HHAT: variants seen among roughly 807,000 people sequenced by gnomAD.
HHAT encodes protein-cysteine N-palmitoyltransferase HHAT.
A neutral mutation model predicts 70.8 loss-of-function variants in HHAT; 47 were observed. That is an observed-to-expected ratio of 0.66 (90% CI 0.53 to 0.85). The LOEUF (loss-of-function observed/expected upper bound fraction) is 0.85, where lower values mean the gene tolerates loss of function less well. HHAT is among the 40% of genes least tolerant of loss of function. HHAT has a pLI of 0.00. For synonymous variants in HHAT, 228 were observed against 247.6 expected (o/e 0.92, Z 0.74); for missense variants, 609 against 604.8 (o/e 1.01, Z -0.07).
chr1:210,336,287 A>ATTTTTTTCTTTTTTTT (rs2085479591), intron 1 of HHAT, among the ~76,000 whole-genome samples: 1 of 84,626 alleles, frequency 1.2e-5, no homozygotes, highest in Non-Finnish European at 2.4e-5. Flanking sequence ...TGCCTGGCTA[A>ATTTTTTTCTTTTTTTT]TTTTTTTTTT....
At chr1:210,495,729 C>G (rs2094626810) in intron 8 of HHAT, among the ~76,000 whole-genome samples, 1 of 152,114 alleles carries the variant, frequency 6.6e-6, no homozygotes, top group African/African-American at 2.4e-5. Context: ...GGAATAAGAC[C>G]AAACGTGGTG....
At chr1:210,656,213 T>C (rs1340482457) in intron 11 of HHAT, among the ~76,000 whole-genome samples, 1 of 152,192 alleles carries the variant, frequency 6.6e-6, no homozygotes, top group Non-Finnish European at 1.5e-5. Flanking sequence ...TAGGCTACAC[T>C]TTTATTTATC....
intron 8 of HHAT, among the ~76,000 whole-genome samples, chr1:210,493,882 C>T (rs952912949): frequency 1.3e-5 from 2 of 152,230 alleles, no homozygotes; most frequent in Non-Finnish European, 2.9e-5. Context: ...CACATCCCCA[C>T]CTCAGCCTGG....
chr1:210,436,851 TCTC>T (rs1379251572), intron 7 of HHAT, among the ~76,000 whole-genome samples: 2 of 151,850 alleles, frequency 1.3e-5, no homozygotes, highest in African/African-American at 2.4e-5. Context: ...TTTCACTTGT[TCTC>T]CTAGTTCCAT....
chr1:210,524,740 CTG>C (rs2095220176), intron 9 of HHAT, among the ~76,000 whole-genome samples: 1 of 152,178 alleles, frequency 6.6e-6, no homozygotes, highest in African/African-American at 2.4e-5. Context: ...TCAACCATGA[CTG>C]TGCTTCTGCA....
chr1:210,415,159 A>C (rs999596937), intron 6 of HHAT, among the ~76,000 whole-genome samples: 1 of 152,176 alleles, frequency 6.6e-6, no homozygotes, highest in Admixed American at 6.5e-5. Flanking sequence ...TGACCATACA[A>C]TATTGAGGTA....
At chr1:210,630,973 T>C (rs1416640802) in intron 11 of HHAT, 1 of 444,478 alleles carries the variant, frequency 2.2e-6, no homozygotes, top group Admixed American at 2.5e-5. Context: ...GAAGCCAACA[T>C]ATCTTTGTAT....
intron 8 of HHAT, among the ~76,000 whole-genome samples, chr1:210,510,156 G>C (rs2094929914): frequency 6.6e-6 from 1 of 152,114 alleles, no homozygotes; most frequent in Non-Finnish European, 1.5e-5. Context: ...TCAGTAGGTG[G>C]TGTGCTAAAG....
At chr1:210,350,707 TTTTC>T (rs375826070) in intron 2 of HHAT, among the ~76,000 whole-genome samples, 49 of 152,318 alleles carry the variant, frequency 3.2e-4, no homozygotes, top group African/African-American at 1.1e-3. Flanking sequence ...GCGAAGATGA[TTTTC>T]TTTCTTTCTT....
intron 9 of HHAT, among the ~76,000 whole-genome samples, chr1:210,527,496 A>C (rs1008817718): frequency 1.3e-5 from 2 of 152,258 alleles, no homozygotes; most frequent in African/African-American, 2.4e-5. Context: ...CAGCAGTAAT[A>C]CAATGGCTGT....
rs772114026 is a variant in HHAT, at chr1:210,623,646, T to C, written c.1366T>C (p.Tyr456His). 2.5e-6 allele frequency: 4 copies of C among 1,614,068 alleles called. No individual in the cohort carries two copies. The highest frequency in any genetic ancestry group is 3.4e-6 in the Non-Finnish European group (4 of 1,179,966). The change falls in exon 11 of 12, where the codon TAC becomes CAC. Residue 456 changes from tyrosine (Y) to histidine (H), a missense_variant. Tyr to His is a moderately conservative substitution (Grantham distance 83). Coordinates refer to ENST00000261458, the MANE Select transcript of HHAT (RefSeq NM_018194.6). ...FLGGNEVGKT[Y>H]WNRIFIQGWP... The stretch of plus-strand genomic sequence containing the variant: ...TGGGGGCAATGAGGTTGGGAAAACC[T>C]ACTGGAATAGGATCTTCATACAAGG...
intron 9 of HHAT, among the ~76,000 whole-genome samples, chr1:210,550,133 C>T (rs749572403): frequency 2.0e-5 from 3 of 149,300 alleles, no homozygotes; most frequent in Non-Finnish European, 4.4e-5. Context: ...TCATGCCTAG[C>T]TTATGTCTCA....
chr1:210,576,209 TG>T (rs1474801652), intron 9 of HHAT, among the ~76,000 whole-genome samples: 4 of 152,176 alleles, frequency 2.6e-5, no homozygotes, highest in Non-Finnish European at 5.9e-5. Flanking sequence ...TCAGTGTTCT[TG>T]GTGTCTTCAA....
At chr1:210,388,820 A>C (rs2091262315) in intron 4 of HHAT, among the ~76,000 whole-genome samples, 1 of 152,098 alleles carries the variant, frequency 6.6e-6, no homozygotes, top group African/African-American at 2.4e-5. Flanking sequence ...AAGTTTTCCC[A>C]TCCATGTGTA....
At chr1:210,538,702 A>G (rs1277281870) in intron 9 of HHAT, among the ~76,000 whole-genome samples, 1 of 152,246 alleles carries the variant, frequency 6.6e-6, no homozygotes, top group Non-Finnish European at 1.5e-5. Flanking sequence ...CTGAACAATG[A>G]GAGCAGAAGC....
chr1:210,527,676 G>A (rs751677642), intron 9 of HHAT, among the ~76,000 whole-genome samples: 1 of 152,192 alleles, frequency 6.6e-6, no homozygotes, highest in South Asian at 2.1e-4. Context: ...GGCCAGAATC[G>A]TGGGGCTTGC....
chr1:210,491,145 C>T (rs2094546495), intron 8 of HHAT, among the ~76,000 whole-genome samples: 3 of 151,680 alleles, frequency 2.0e-5, no homozygotes, highest in South Asian at 4.2e-4. Context: ...GATTTATGTG[C>T]TGCTAAGTCC....
chr1:210,519,276 A>G (rs2095111788), intron 9 of HHAT, among the ~76,000 whole-genome samples: 1 of 152,166 alleles, frequency 6.6e-6, no homozygotes, highest in Non-Finnish European at 1.5e-5. Context: ...AGTTGATTCC[A>G]TCTCTTGGCT....
At chr1:210,386,246 T>C (rs1262930280) in intron 3 of HHAT, among the ~76,000 whole-genome samples, 1 of 113,030 alleles carries the variant, frequency 8.8e-6, no homozygotes, top group African/African-American at 3.5e-5. Flanking sequence ...TTTTTTTTTT[T>C]TTTTTTTTTT....
Sources: allele counts gnomAD v4.1 joint callset (sites outside exome capture counted in the v4.1 genomes callset), GRCh38; gene constraint gnomAD v4.1.1; transcripts MANE v1.5; gene names NCBI Gene and HGNC (gene_info 2026-07-23, HGNC 2026-07-21).